The following SRPRB variants were observed in gnomAD, a reference collection of about 807,000 sequenced individuals.
The protein encoded by SRPRB is SRP receptor subunit beta, also known as signal recognition particle receptor subunit beta.
A neutral mutation model predicts 31.9 loss-of-function variants in SRPRB; 20 were observed. The ratio of observed to expected loss-of-function variants is 0.63; its 90% CI spans 0.44 to 0.91. The LOEUF (loss-of-function observed/expected upper bound fraction) is 0.91, where lower values mean the gene tolerates loss of function less well. Among genes scored for constraint, SRPRB ranks in the 40% least tolerant of loss-of-function variants. The probability of loss-of-function intolerance (pLI) is 0.00; values close to 1 mark genes in which losing one functional copy is unlikely to be tolerated. For missense variants in SRPRB, 321 were observed against 324.9 expected (o/e 0.99, Z 0.09); for synonymous variants, 146 against 132.8 (o/e 1.10, Z -0.68).
At chr3:133,818,746 A>C (rs1360055966) in intron 6 of SRPRB, among the ~76,000 whole-genome samples, 2 of 151,374 alleles carry the variant, frequency 1.3e-5, no homozygotes, top group African/African-American at 4.9e-5. Flanking sequence ...AGAGGTCAGC[A>C]ATATCCAGTT....
upstream of SRPRB, among the ~76,000 whole-genome samples, chr3:133,804,725 TA>T (rs904303134): frequency 9.5e-5 from 14 of 147,344 alleles, no homozygotes; most frequent in Non-Finnish European, 1.4e-4. Context: ...TTTTTCTGAT[TA>T]AAAAAAAAAA....
At chr3:133,799,106 G>A (rs959734498) in intron 1 of SRPRB, among the ~76,000 whole-genome samples, 2 of 152,082 alleles carry the variant, frequency 1.3e-5, no homozygotes, top group East Asian at 1.9e-4. Flanking sequence ...AAACAGTTAC[G>A]GTTACTACTT....
chr3:133,798,338 G>A (rs963034031), intron 1 of SRPRB, among the ~76,000 whole-genome samples: 1 of 152,034 alleles, frequency 6.6e-6, no homozygotes, highest in Non-Finnish European at 1.5e-5. Flanking sequence ...CATCTCTTTC[G>A]GCTGTACTAT....
At chr3:133,792,652 A>AT (rs1169656304) in intron 1 of SRPRB, 1 of 152,248 alleles carries the variant, frequency 6.6e-6, no homozygotes, top group Non-Finnish European at 1.5e-5. Context: ...ACAGTTTTAC[A>AT]TGCAAGTTAC....
At position 133,820,025 on chromosome 3, in the gene SRPRB, T is replaced by C. The variant is rs1329544756; in HGVS notation, c.*259T>C. On this transcript the variant is annotated 3_prime_UTR_variant, in exon 7 of 7. Coordinates refer to ENST00000678299, the MANE Select transcript of SRPRB (RefSeq NM_001379313.1). ...TTCCCTTTGTTAAGGTGTAACTTGA[T>C]GTAGGGTCAAGGTTTTTGTGACAAC... 12 of 431,994 alleles carry C rather than the reference T, an allele frequency of 2.8e-5. No homozygotes were observed. Among genetic ancestry groups the C allele is most frequent in the Non-Finnish European group, 4.7e-5 (11 of 235,658 alleles). 26.8% of individuals were successfully genotyped at this position (431,994 alleles called of 1,614,324 possible).
chr3:133,806,034 G>C, intron 1 of SRPRB, 32 bp downstream of exon 1: 1 of 1,604,786 alleles, frequency 6.2e-7, no homozygotes, highest in African/African-American at 1.3e-5. Flanking sequence ...TGGCGGGTTT[G>C]GGGCGGGCAG....
downstream of SRPRB, chr3:133,828,481 A>G (rs1197611060): frequency 9.3e-6 from 4 of 432,068 alleles, no homozygotes; most frequent in African/African-American, 2.1e-5. Context: ...CTACATTTTT[A>G]TCTGGCAAAA....
chr3:133,797,156 T>C (rs1391581662), intron 1 of SRPRB, among the ~76,000 whole-genome samples: 1 of 152,206 alleles, frequency 6.6e-6, no homozygotes, highest in East Asian at 1.9e-4. Flanking sequence ...TAACATCTAG[T>C]CTTTCTAGAT....
At position 133,806,453 on chromosome 3, in the gene SRPRB, C is replaced by A. The variant is rs1935161915; in HGVS notation, c.155-156C>A. The A allele has an allele frequency of 8.3e-6, 5 of 599,220 alleles. No individual in the cohort carries two copies. The South Asian group carries it at 1.1e-4, about 14-fold the overall frequency. 37.1% of individuals were successfully genotyped at this position (599,220 alleles called of 1,614,324 possible). On this transcript the variant is annotated intron_variant, in intron 1 of 6. Coordinates refer to ENST00000678299, the MANE Select transcript of SRPRB (RefSeq NM_001379313.1). ...TGACAGTGCCTGGCTCTCAGTGGAT[C>A]CCTAACAACAGCAATAGTAACCATT...
chr3:133,822,669 G>T (rs1935492264), downstream of SRPRB, among the ~76,000 whole-genome samples: 1 of 152,224 alleles, frequency 6.6e-6, no homozygotes, highest in African/African-American at 2.4e-5. Flanking sequence ...TGTTGACTTA[G>T]ATCATTTCAG....
chr3:133,817,316 G>A (rs1482773196), intron 6 of SRPRB, among the ~76,000 whole-genome samples: 1 of 152,022 alleles, frequency 6.6e-6, no homozygotes, highest in Non-Finnish European at 1.5e-5. Flanking sequence ...TGGTATTTAA[G>A]GATGCATGTA....
chr3:133,807,522 C>T (rs1935184258), intron 2 of SRPRB, among the ~76,000 whole-genome samples: 2 of 152,052 alleles, frequency 1.3e-5, no homozygotes, highest in Non-Finnish European at 2.9e-5. Context: ...AATTTGGCCA[C>T]TAACTGTCTT....
chr3:133,806,634 A>G lies in SRPRB; in HGVS notation c.180A>G (p.Arg60=), dbSNP rs779707348. The G allele has an allele frequency of 2.5e-6, 4 of 1,614,188 alleles. No individual in the cohort carries two copies. The change falls in exon 2 of 7, where the codon AGA becomes AGG. Residue 60 remains arginine (R), a synonymous_variant. Transcript: ENST00000678299. Reference sequence around the variant, plus strand: ...TCTTCTGGAAGTTAATCCGGAGCAGAAGGAGCAGTCAGAGAGCTGTTCTTC... The same window carrying G: ...TCTTCTGGAAGTTAATCCGGAGCAGGAGGAGCAGTCAGAGAGCTGTTCTTC... ...TLVFWKLIRS[R]RSSQRAVLLV...
chr3:133,823,607 G>A (rs1352264076), downstream of SRPRB, among the ~76,000 whole-genome samples: 1 of 152,210 alleles, frequency 6.6e-6, no homozygotes, highest in African/African-American at 2.4e-5. Context: ...AGAAGAGTGA[G>A]ATTCCCGGGC....
At position 133,820,058 on chromosome 3, in the gene SRPRB, C is replaced by T; in HGVS notation, c.*292C>T. The T allele has an allele frequency of 2.8e-6, 1 of 361,712 alleles. No homozygotes were observed. Among genetic ancestry groups the T allele is most frequent in the Non-Finnish European group, 5.2e-6 (1 of 193,982 alleles). The allele number at this position is 361,712 out of a possible 1,614,324, so 22.4% of individuals were successfully genotyped here. The stretch of plus-strand genomic sequence containing the variant: ...CAAGGTTTTTGTGACAACAGGCAGA[C>T]TCCACACAGAGAGGATATGATGAGA... On this transcript the variant is annotated 3_prime_UTR_variant, in exon 7 of 7. Transcript: ENST00000678299.
intron 1 of SRPRB, chr3:133,796,546 T>C (rs1399151998): frequency 6.6e-6 from 1 of 152,206 alleles, no homozygotes; most frequent in African/African-American, 2.4e-5. Flanking sequence ...CCCCAGAAAA[T>C]TCTGTAACCG....
intron 3 of SRPRB, 30 bp from the exon 4 acceptor site, chr3:133,811,087 A>G: frequency 6.2e-7 from 1 of 1,609,900 alleles, no homozygotes; most frequent in Non-Finnish European, 8.5e-7. Context: ...AACTGTATTG[A>G]AACGTTAATG....
intron 1 of SRPRB, chr3:133,787,495 G>C (rs1366830138): frequency 6.6e-6 from 1 of 152,128 alleles, no homozygotes; most frequent in Non-Finnish European, 1.5e-5. Context: ...TGAAATATCT[G>C]GTCTCTCTAG....
At chr3:133,798,337 C>T (rs1000277957) in intron 1 of SRPRB, among the ~76,000 whole-genome samples, 2 of 152,108 alleles carry the variant, frequency 1.3e-5, no homozygotes, top group African/African-American at 4.8e-5. Context: ...GCATCTCTTT[C>T]GGCTGTACTA....
Sources: gnomAD v4.1 joint callset for allele counts (sites outside exome capture counted in the v4.1 genomes callset) on GRCh38, gnomAD v4.1.1 for gene constraint, MANE v1.5 for transcripts, NCBI Gene and HGNC (gene_info 2026-07-23, HGNC 2026-07-21) for gene names.